Variants in BICD2 observed in about 807,000 individuals in gnomAD.
BICD2 encodes BICD cargo adaptor 2.
A neutral mutation model predicts 72.9 loss-of-function variants in BICD2; 25 were observed. The ratio of observed to expected loss-of-function variants is 0.34; its 90% CI spans 0.25 to 0.48. The LOEUF is 0.48. BICD2 is among the 20% of genes least tolerant of loss of function. BICD2 has a pLI of 0.99. For synonymous variants in BICD2, 501 were observed against 516.1 expected (o/e 0.97, Z 0.40); for missense variants, 894 against 1,175.2 (o/e 0.76, Z 3.50).
intron 1 of BICD2, among the ~76,000 whole-genome samples, chr9:92,753,650 T>G (rs1450641636): frequency 6.6e-6 from 1 of 151,918 alleles, no homozygotes; most frequent in African/African-American, 2.4e-5. Flanking sequence ...ATCATTCTCC[T>G]GCCTCAGCCT....
rs544624837 is a variant in BICD2 at position 92,754,776 on chromosome 9, C to T, written c.240+9729G>A. ...ACACTTATCACTTCCCCAATCAATA[C>T]CCTTGTGATTTCCTATGCCTGTCTT... is the stretch of plus-strand genomic sequence containing the variant. On this transcript the variant is annotated intron_variant, in intron 1 of 6. Coordinates refer to ENST00000356884, the MANE Select transcript of BICD2 (RefSeq NM_001003800.2). Among the ~76,000 whole-genome samples, 638 of 152,314 alleles carry T rather than the reference C, an allele frequency of 4.2e-3. 8 individuals are homozygous for T. The highest frequency in any genetic ancestry group is 0.014 in the African/African-American group (597 of 41,568).
In BICD2 at chr9:92,747,432, T is replaced by C. The variant is rs550914823; in HGVS notation, c.240+17073A>G. ...CCCGCCAGGCTCCTGGGTGAGGTCC[T>C]GACCTGCATCTCTTTCATCGCCACA... On this transcript the variant is annotated intron_variant, in intron 1 of 6. Coordinates refer to ENST00000356884, the MANE Select transcript of BICD2 (RefSeq NM_001003800.2). 2.0e-5 allele frequency among the ~76,000 whole-genome samples: 3 copies of C among 152,338 alleles called. No individual in the cohort carries two copies. In the South Asian group the frequency reaches 6.2e-4, roughly 32 times the overall value.
chr9:92,757,661 C>T lies in BICD2; in HGVS notation c.240+6844G>A, dbSNP rs185519774. ...GGCGGAGCTTGCAGTAAGCCGAGATCGCGCCATTGTACTCCAGCCTGGGTG... is the reference window on the plus strand; with the variant it reads ...GGCGGAGCTTGCAGTAAGCCGAGATTGCGCCATTGTACTCCAGCCTGGGTG... On this transcript the variant is annotated intron_variant, in intron 1 of 6. Coordinates refer to ENST00000356884, the MANE Select transcript of BICD2 (RefSeq NM_001003800.2). Among the ~76,000 whole-genome samples, 30 of 151,282 alleles carry T rather than the reference C, an allele frequency of 2.0e-4. No individual in the cohort carries two copies. In the East Asian group the frequency reaches 3.9e-3, roughly 20 times the overall value.
At position 92,714,056 on chromosome 9, in the gene BICD2, C is replaced by G. The variant is rs1853249042; in HGVS notation, c.*1098G>C. 1.0e-5 allele frequency: 10 copies of G among 985,966 alleles called. No individual in the cohort carries two copies. Among genetic ancestry groups the G allele is most frequent in the Non-Finnish European group, 1.2e-5 (10 of 830,306 alleles). 61.1% of individuals were successfully genotyped at this position (985,966 alleles called of 1,614,324 possible). A position where few individuals can be genotyped will look rare whatever the true frequency, so the allele number is the denominator to read the frequency against. On this transcript the variant is annotated 3_prime_UTR_variant, in exon 7 of 7. Transcript: ENST00000356884. ...TGGAGCCTCTGGAAATGGGAGAACCCTACAGCTACCTTTCCTCTTTCTCTG... is the reference window on the plus strand; with the variant it reads ...TGGAGCCTCTGGAAATGGGAGAACCGTACAGCTACCTTTCCTCTTTCTCTG...
chr9:92,746,771 A>G (rs541430195), intron 1 of BICD2, among the ~76,000 whole-genome samples: 4 of 152,206 alleles, frequency 2.6e-5, no homozygotes, highest in South Asian at 4.2e-4. Flanking sequence ...AAACCTAATC[A>G]CTGTAGAAGG....
intron 5 of BICD2, 134 bp from the exon 6 acceptor site, chr9:92,718,082 C>A: frequency 9.0e-7 from 1 of 1,110,562 alleles, no homozygotes; most frequent in Non-Finnish European, 1.3e-6. Context: ...AGGCCCCTCC[C>A]TGTGACAAAC....
chr9:92,715,505 A>AGCAGAGGAGGGCAGG, intron 6 of BICD2, 42 bp from the exon 7 acceptor site: 1 of 1,545,584 alleles, frequency 6.5e-7, no homozygotes, highest in Non-Finnish European at 8.8e-7. Flanking sequence ...GGCAGAGCCG[A>AGCAGAGGAGGGCAGG]GCAGAGGAGG....
intron 2 of BICD2, among the ~76,000 whole-genome samples, chr9:92,723,540 G>C (rs1436912988): frequency 6.6e-6 from 1 of 152,234 alleles, no homozygotes; most frequent in Non-Finnish European, 1.5e-5. Flanking sequence ...AAGTAGGTTA[G>C]TGGCTGCCAG....
intron 1 of BICD2, among the ~76,000 whole-genome samples, chr9:92,755,693 G>A (rs1854240019): frequency 6.6e-6 from 1 of 152,196 alleles, no homozygotes. Context: ...AATCCCCTAG[G>A]CTTATGGACA....
In BICD2 at chr9:92,764,459, G is replaced by T. The variant is rs1232114728; in HGVS notation, c.240+46C>A. ...CTGGTGCCAGGGACGACGCCCACAG[G>T]CCCCGGCGCCGGGCGGGGGTCGCAG... On this transcript the variant is annotated intron_variant, in intron 1 of 6. Transcript: ENST00000356884. This position sits in a 1 kb window ranked among gnomAD's most constrained non-coding sequence, Gnocchi z 5.5. 6.2e-6 allele frequency: 9 copies of T among 1,444,082 alleles called. No homozygotes were observed. The highest frequency in any genetic ancestry group is 8.2e-6 in the Non-Finnish European group (9 of 1,092,180). The allele number at this position is 1,444,082 out of a possible 1,614,324, so 89.5% of individuals were successfully genotyped here. A position where few individuals can be genotyped will look rare whatever the true frequency, so the allele number is the denominator to read the frequency against.
intron 1 of BICD2, among the ~76,000 whole-genome samples, chr9:92,748,439 G>A (rs1405443996): frequency 6.6e-6 from 1 of 152,152 alleles, no homozygotes; most frequent in Non-Finnish European, 1.5e-5. Flanking sequence ...GTCTGAGTGT[G>A]GCCCCTGAGC....
Position 92,713,366 on chromosome 9 carries a change from C to T in BICD2, c.*1788G>A. ...AGTTTCTAAGTGGGCTTTTAGGTTG[C>T]CCTTCCTTCCTCCTTGTGGGCCACG... On this transcript the variant is annotated 3_prime_UTR_variant, in exon 7 of 7. Coordinates refer to ENST00000356884, the MANE Select transcript of BICD2 (RefSeq NM_001003800.2). 1 of 1,424,466 alleles carries T rather than the reference C, an allele frequency of 7.0e-7. No homozygotes were observed. Among genetic ancestry groups the T allele is most frequent in the Non-Finnish European group, 9.7e-7 (1 of 1,034,692 alleles). 88.2% of individuals were successfully genotyped at this position (1,424,466 alleles called of 1,614,324 possible). A position where few individuals can be genotyped will look rare whatever the true frequency, so the allele number is the denominator to read the frequency against.
intron 1 of BICD2, among the ~76,000 whole-genome samples, chr9:92,743,355 C>CTTTTTT (rs34165468): frequency 8.9e-6 from 1 of 112,224 alleles, no homozygotes; most frequent in Non-Finnish European, 1.8e-5. Context: ...ACCATGCCAG[C>CTTTTTT]TTTTTTTTTT....
Position 92,764,772 on chromosome 9 carries a change from C to A in BICD2, c.-28G>T, listed in dbSNP as rs1854448827. On this transcript the variant is annotated 5_prime_UTR_variant, in exon 1 of 7. Transcript: ENST00000356884. The surrounding 1 kb of genome is among the most constrained non-coding windows in gnomAD (Gnocchi z 5.5). Reference sequence around the variant, plus strand: ...TGGCCGAGGGCTGAGCCGGCTCCCACTGAGGCTCTCGCAGGCCGGGCCCTC... The same window carrying A: ...TGGCCGAGGGCTGAGCCGGCTCCCAATGAGGCTCTCGCAGGCCGGGCCCTC... 15 of 1,481,096 alleles carry A rather than the reference C, an allele frequency of 1.0e-5. No individual in the cohort carries two copies. The highest frequency in any genetic ancestry group is 1.3e-5 in the Non-Finnish European group (15 of 1,121,352). The allele number at this position is 1,481,096 out of a possible 1,614,324, so 91.7% of individuals were successfully genotyped here.
In BICD2 at chr9:92,720,753, C is replaced by A. The variant is rs753515310; in HGVS notation, c.609G>T (p.Val203=). Residue 203 remains valine, a splice_region_variant and synonymous_variant, in exon 4 of 7, where the codon GTG becomes GTT. Transcript: ENST00000356884. This position sits in a 1 kb window ranked among gnomAD's most constrained non-coding sequence, Gnocchi z 5.4. The part of the protein sequence containing the change: ...KQVSVLRQNQ[V]EFEGLKHEIK... ...TCTCATGCTTGAGGCCCTCAAACTC[C>A]ACCTGGGAAGAGAAGTCAACGCTCT... The A allele has an allele frequency of 6.2e-7, 1 of 1,612,884 alleles. No homozygotes were observed.
chr9:92,743,184 C>A (rs1272984685), intron 1 of BICD2, among the ~76,000 whole-genome samples: 2 of 152,022 alleles, frequency 1.3e-5, no homozygotes, highest in Non-Finnish European at 1.5e-5. Context: ...GATATGAGAT[C>A]TCTTCCCATT....
chr9:92,717,816 G>C lies in BICD2; in HGVS notation c.2239C>G (p.Arg747Gly). The C allele has an allele frequency of 6.2e-7, 1 of 1,611,226 alleles. No individual in the cohort carries two copies. The highest frequency in any genetic ancestry group is 1.1e-5 in the South Asian group (1 of 90,890). ...GGTTACCTGGTGGCAAACATAGCAC[G>C]CAGCGAGGAGAAGGTGGCTGCGTCC... is the stretch of plus-strand genomic sequence containing the variant. ...KEDAATFSSL[R>G]AMFATRCDEY... Residue 747 changes from arginine to glycine, a missense_variant, in exon 6 of 7, where the codon CGT (arginine) becomes GGT (glycine). By Grantham distance (125) the Arg-to-Gly change is moderately radical. Transcript: ENST00000356884.
Position 92,756,324 on chromosome 9 carries a change from C to T in BICD2, c.240+8181G>A, listed in dbSNP as rs546853210. Among the ~76,000 whole-genome samples the T allele has an allele frequency of 2.8e-3, 432 of 151,760 alleles. 1 individual carries two copies. Among genetic ancestry groups the T allele is most frequent in the African/African-American group, 1.0e-2 (412 of 41,394 alleles). On this transcript the variant is annotated intron_variant, in intron 1 of 6. Coordinates refer to ENST00000356884, the MANE Select transcript of BICD2 (RefSeq NM_001003800.2). The stretch of plus-strand genomic sequence containing the variant: ...TTGCCCAGGCTGGAGTGCAGTGGCA[C>T]GATCTCGGCTCACTGCAAGCTCCGC...
rs1196140078 is a variant in BICD2 at position 92,713,775 on chromosome 9, C to A, written c.*1379G>T. ...CCAGGATGAACACGCAGGGGACATA[C>A]ATGGGCGTGTCCTGGAGTCTGGAGG... is the stretch of plus-strand genomic sequence containing the variant. On this transcript the variant is annotated 3_prime_UTR_variant, in exon 7 of 7. Coordinates refer to ENST00000356884, the MANE Select transcript of BICD2 (RefSeq NM_001003800.2). 4 of 1,271,898 alleles carry A rather than the reference C, an allele frequency of 3.1e-6. No individual in the cohort carries two copies. The highest frequency in any genetic ancestry group is 3.0e-6 in the Non-Finnish European group (3 of 998,040). The allele number at this position is 1,271,898 out of a possible 1,614,324, so 78.8% of individuals were successfully genotyped here.
Sources: gnomAD v4.1 joint callset for allele counts (sites outside exome capture counted in the v4.1 genomes callset) on GRCh38, gnomAD v4.1.1 for gene constraint, Gnocchi (gnomAD v3.1) non-coding constraint, MANE v1.5 for transcripts, NCBI Gene and HGNC (gene_info 2026-07-23, HGNC 2026-07-21) for gene names.